IL33: variants seen among roughly 807,000 people sequenced by gnomAD.
The protein encoded by IL33 is interleukin-33.
IL33 carries 37 observed loss-of-function variants against 27.3 expected under a neutral mutation model. The ratio of observed to expected loss-of-function variants is 1.36; its 90% CI spans 1.04 to 1.78. The LOEUF is 1.78. Among genes scored for constraint, IL33 ranks in the 40% most tolerant of loss-of-function variants. IL33 has a pLI of 0.00. For synonymous variants in IL33, 132 were observed against 102.9 expected (o/e 1.28, Z -1.71); for missense variants, 406 against 311.4 (o/e 1.30, Z -2.29).
chr9:6,245,014 A>G (rs545173982), intron 2 of IL33, among the ~76,000 whole-genome samples: 4 of 151,774 alleles, frequency 2.6e-5, no homozygotes, highest in Non-Finnish European at 4.4e-5. Flanking sequence ...GCCTCTCACA[A>G]CCCTTCCCTT....
At position 6,254,528 on chromosome 9, in the gene IL33, CCAA is replaced by C. The variant is rs766953676; in HGVS notation, c.594_596del (p.Asn198del). On this transcript the variant is annotated inframe_deletion, in exon 7 of 8. Transcript: ENST00000682010. Reference sequence around the variant, plus strand: ...CCTACAAAAGACTTCTGGTTGCATGCCAACAACAAGGAACACTCTGTGGAGGTA... The same window carrying C: ...CCTACAAAAGACTTCTGGTTGCATGCCAACAAGGAACACTCTGTGGAGGTA... The C allele has an allele frequency of 1.3e-6, 2 of 1,592,192 alleles. No homozygotes were observed. The highest frequency in any genetic ancestry group is 1.2e-5 in the South Asian group (1 of 86,880).
In IL33 at chr9:6,257,971, T is replaced by C. The variant is rs541124727; in HGVS notation, c.*1803T>C. 8.5e-5 allele frequency: 13 copies of C among 152,330 alleles called. No homozygotes were observed. Among genetic ancestry groups the C allele is most frequent in the Non-Finnish European group, 1.8e-4 (12 of 68,022 alleles). 9.4% of individuals were successfully genotyped at this position (152,330 alleles called of 1,614,324 possible). A position where few individuals can be genotyped will look rare whatever the true frequency, so the allele number is the denominator to read the frequency against. ...TGTTTATATTATTGAATAAAGTATA[T>C]TTTCCAAATGTATGTGAGACTATAA... On this transcript the variant is annotated 3_prime_UTR_variant, in exon 8 of 8. Coordinates refer to ENST00000682010, the MANE Select transcript of IL33 (RefSeq NM_033439.4).
chr9:6,251,395 C>T (rs953048574), intron 4 of IL33, 130 bp downstream of exon 4: 3 of 1,349,298 alleles, frequency 2.2e-6, no homozygotes, highest in Non-Finnish European at 3.1e-6. Context: ...TGCCCATTTG[C>T]AGCTGATGTA....
At chr9:6,219,396 C>T (rs981388062) in intron 1 of IL33, among the ~76,000 whole-genome samples, 26 of 152,024 alleles carry the variant, frequency 1.7e-4, no homozygotes, top group South Asian at 1.3e-3. Context: ...GAATTGGGGG[C>T]GCTTCCTCCC....
intron 2 of IL33, among the ~76,000 whole-genome samples, chr9:6,246,284 C>G (rs1312407763): frequency 6.6e-6 from 1 of 152,072 alleles, no homozygotes; most frequent in Non-Finnish European, 1.5e-5. Context: ...GTGGAACCGG[C>G]TGGGTGCGGT....
chr9:6,250,436 T>C (rs753396308), intron 2 of IL33, 38 bp from the exon 3 acceptor site: 1 of 1,604,428 alleles, frequency 6.2e-7, no homozygotes, highest in Non-Finnish European at 8.5e-7. Flanking sequence ...TAAAGATGAA[T>C]GGAATGAAAC....
chr9:6,246,141 T>C (rs1380871078), intron 2 of IL33, among the ~76,000 whole-genome samples: 1 of 140,852 alleles, frequency 7.1e-6, no homozygotes, highest in Non-Finnish European at 1.5e-5. Flanking sequence ...TTTCTCAAGA[T>C]AGGCAATTCA....
chr9:6,245,250 A>G (rs1007415509), intron 2 of IL33, among the ~76,000 whole-genome samples: 2 of 152,182 alleles, frequency 1.3e-5, no homozygotes, highest in African/African-American at 2.4e-5. Context: ...AATTGAGTCA[A>G]TTTTTAAAAA....
intron 1 of IL33, among the ~76,000 whole-genome samples, chr9:6,222,843 C>T (rs1201216010): frequency 6.6e-6 from 1 of 151,656 alleles, no homozygotes; most frequent in African/African-American, 2.4e-5. Context: ...TACATTTGTT[C>T]CTGGAGAATA....
chr9:6,216,763 G>C (rs561910073), intron 1 of IL33, among the ~76,000 whole-genome samples: 4 of 152,154 alleles, frequency 2.6e-5, no homozygotes, highest in Admixed American at 6.5e-5. Context: ...AAAAATGATG[G>C]AAACTTTGAA....
Position 6,254,511 on chromosome 9 carries a change from A to AGACTTCT in IL33, c.572_578dup (p.Trp193Ter). 1.3e-6 allele frequency: 2 copies of AGACTTCT among 1,598,964 alleles called. No individual in the cohort carries two copies. Among genetic ancestry groups the AGACTTCT allele is most frequent in the Non-Finnish European group, 1.7e-6 (2 of 1,170,830 alleles). On this transcript the variant is annotated frameshift_variant, in exon 7 of 8. Coordinates refer to ENST00000682010, the MANE Select transcript of IL33 (RefSeq NM_033439.4). LOFTEE classifies it low-confidence loss of function (END_TRUNC). ...TAATGGTAACCCTGAGTCCTACAAA[A>AGACTTCT]GACTTCTGGTTGCATGCCAACAACA...
At chr9:6,219,907 C>T (rs1377777430) in intron 1 of IL33, among the ~76,000 whole-genome samples, 1 of 152,150 alleles carries the variant, frequency 6.6e-6, no homozygotes, top group African/African-American at 2.4e-5. Context: ...AGATTAAAGT[C>T]CAGGGTCAGG....
chr9:6,249,229 A>C (rs1202947120), intron 2 of IL33, among the ~76,000 whole-genome samples: 1 of 152,222 alleles, frequency 6.6e-6, no homozygotes, highest in African/African-American at 2.4e-5. Context: ...TTAATTCAAA[A>C]TAATAGCTAA....
intron 1 of IL33, among the ~76,000 whole-genome samples, chr9:6,238,442 T>C (rs962355693): frequency 2.0e-5 from 3 of 152,196 alleles, no homozygotes; most frequent in Non-Finnish European, 4.4e-5. Context: ...TGGCTGACCA[T>C]TGAGGATTTT....
At chr9:6,225,678 C>A (rs1013272440) in intron 1 of IL33, among the ~76,000 whole-genome samples, 1 of 152,150 alleles carries the variant, frequency 6.6e-6, no homozygotes, top group African/African-American at 2.4e-5. Flanking sequence ...TTTTCCTCCT[C>A]CAAATAGTTT....
intron 6 of IL33, 48 bp from the exon 7 acceptor site, chr9:6,254,414 A>G (rs749979252): frequency 8.3e-7 from 1 of 1,208,906 alleles, no homozygotes; most frequent in Non-Finnish European, 1.2e-6. Context: ...TTAAATAAAG[A>G]TGAGTTACAG....
Position 6,250,502 on chromosome 9 carries a change from C to A in IL33, c.120C>A (p.Cys40Ter). 6.2e-7 allele frequency: 1 copy of A among 1,613,642 alleles called. No homozygotes were observed. Among genetic ancestry groups the A allele is most frequent in the East Asian group, 2.2e-5 (1 of 44,854 alleles). ...GKSQQKAKEV[C>*]PMYFMKLRSG... ...CCCAACAGAAGGCCAAAGAAGTTTG[C>A]CCCATGTACTTTATGAAGCTCCGCT... Residue 40 changes from cysteine (C) to a stop codon, truncating the protein, a stop_gained, in exon 3 of 8, where the codon TGC becomes TGA. Coordinates refer to ENST00000682010, the MANE Select transcript of IL33 (RefSeq NM_033439.4). LOFTEE classifies it high-confidence loss of function.
At chr9:6,219,600 C>A (rs530682906) in intron 1 of IL33, among the ~76,000 whole-genome samples, 1 of 152,282 alleles carries the variant, frequency 6.6e-6, no homozygotes, top group Non-Finnish European at 1.5e-5. Flanking sequence ...AATTTTGGAT[C>A]TTACTTAACT....
intron 2 of IL33, 38 bp downstream of exon 2, chr9:6,241,823 A>T (rs1246527312): frequency 7.3e-7 from 1 of 1,361,078 alleles, no homozygotes; most frequent in South Asian, 1.3e-5. Flanking sequence ...TTTACGCACT[A>T]TTTTTATCTG....
Sources: gnomAD v4.1 joint callset for allele counts (sites outside exome capture counted in the v4.1 genomes callset) on GRCh38, gnomAD v4.1.1 for gene constraint, MANE v1.5 for transcripts, NCBI Gene and HGNC (gene_info 2026-07-23, HGNC 2026-07-21) for gene names.